The following EPHA7 variants were observed in gnomAD, a reference collection of about 807,000 sequenced individuals.
EPHA7 encodes the protein ephrin type-A receptor 7.
Under a neutral mutation model 112.6 loss-of-function variants are expected in EPHA7, and 25 were observed. That is an observed-to-expected ratio of 0.22 (90% CI 0.16 to 0.31). The LOEUF (loss-of-function observed/expected upper bound fraction) is 0.31, where lower values mean the gene tolerates loss of function less well. EPHA7 is among the 10% of genes least tolerant of loss of function. EPHA7 has a pLI of 1.00. For synonymous variants in EPHA7, 437 were observed against 406.5 expected (o/e 1.07, Z -0.90); for missense variants, 962 against 1,212.6 (o/e 0.79, Z 3.07).
chr6:93,265,186 T>C (rs1204426387), intron 7 of EPHA7, among the ~76,000 whole-genome samples: 1 of 151,676 alleles, frequency 6.6e-6, no homozygotes, highest in African/African-American at 2.4e-5. Context: ...GAAAGCATCA[T>C]GTAATCATAA....
chr6:93,407,201 C>T (rs1471683328), intron 3 of EPHA7, among the ~76,000 whole-genome samples: 2 of 152,004 alleles, frequency 1.3e-5, no homozygotes, highest in Non-Finnish European at 2.9e-5. Context: ...TTCTAGCAAA[C>T]ATCACAATGG....
chr6:93,245,574 TA>T lies in EPHA7; in HGVS notation c.2727-122del, dbSNP rs542986426. On this transcript the variant is annotated intron_variant, in intron 15 of 16. Coordinates refer to ENST00000369303, the MANE Select transcript of EPHA7 (RefSeq NM_004440.4). ...TAGATGTTTTAATTGGTGTACATAA[TA>T]AAAAATACATCGATATGCTAATAAA... 4.4e-4 allele frequency: 413 copies of T among 931,360 alleles called. 2 individuals are homozygous for T. The African/African-American group carries it at 6.4e-3, about 14-fold the overall frequency. The allele number at this position is 931,360 out of a possible 1,614,324, so 57.7% of individuals were successfully genotyped here.
At chr6:93,306,000 G>T (rs954530054) in intron 5 of EPHA7, among the ~76,000 whole-genome samples, 1 of 151,604 alleles carries the variant, frequency 6.6e-6, no homozygotes, top group African/African-American at 2.4e-5. Context: ...AATTTATTTT[G>T]GTCTAAAAAG....
chr6:93,414,801 T>G, intron 1 of EPHA7, 34 bp from the exon 2 acceptor site: 1 of 1,567,140 alleles, frequency 6.4e-7, no homozygotes. Flanking sequence ...ATATGTTACA[T>G]GAAACACTTA....
intron 5 of EPHA7, among the ~76,000 whole-genome samples, chr6:93,283,024 C>T (rs1260941933): frequency 6.6e-6 from 1 of 152,220 alleles, no homozygotes; most frequent in African/African-American, 2.4e-5. Flanking sequence ...GCAGCTCCAC[C>T]TGCGGCCCCG....
At chr6:93,405,813 G>GTATA (rs60882775) in intron 3 of EPHA7, among the ~76,000 whole-genome samples, 954 of 73,792 alleles carry the variant, frequency 0.013, 12 homozygotes, top group Non-Finnish European at 0.014. Context: ...GTGTGTGTGT[G>GTATA]TATATATATA....
intron 5 of EPHA7, among the ~76,000 whole-genome samples, chr6:93,283,286 C>G (rs143316824): frequency 0.028 from 4,224 of 152,162 alleles, 178 homozygotes; most frequent in African/African-American, 0.096. Context: ...TGTAAACACA[C>G]CAATCAGCAC....
In EPHA7 at chr6:93,242,220, A is replaced by G. The variant is rs1769718969; in HGVS notation, c.*1206T>C. On this transcript the variant is annotated 3_prime_UTR_variant, in exon 17 of 17. Coordinates refer to ENST00000369303, the MANE Select transcript of EPHA7 (RefSeq NM_004440.4). Reference sequence around the variant, plus strand: ...AGGGTAAAGAGTCCTTTCATTTAACAAGTTTCTTGCATCAGTGTTCACAAA... The same window carrying G: ...AGGGTAAAGAGTCCTTTCATTTAACGAGTTTCTTGCATCAGTGTTCACAAA... 5.1e-6 allele frequency: 1 copy of G among 197,000 alleles called. No homozygotes were observed. Among genetic ancestry groups the G allele is most frequent in the South Asian group, 1.9e-4 (1 of 5,218 alleles). The allele number at this position is 197,000 out of a possible 1,614,324, so 12.2% of individuals were successfully genotyped here.
intron 1 of EPHA7, among the ~76,000 whole-genome samples, chr6:93,418,091 G>C (rs955925234): frequency 6.6e-6 from 1 of 151,394 alleles, no homozygotes; most frequent in Non-Finnish European, 1.5e-5. Flanking sequence ...TCAGGAATAA[G>C]TAATTATTTC....
intron 11 of EPHA7, 114 bp from the exon 12 acceptor site, chr6:93,257,637 T>A: frequency 1.5e-6 from 1 of 666,872 alleles, no homozygotes; most frequent in Non-Finnish European, 2.5e-6. Flanking sequence ...GTGTGAGAAG[T>A]ATGAGCATTT....
At chr6:93,402,633 G>A (rs1163526712) in intron 3 of EPHA7, among the ~76,000 whole-genome samples, 2 of 151,964 alleles carry the variant, frequency 1.3e-5, no homozygotes, top group East Asian at 1.9e-4. Context: ...AAAATGTTTT[G>A]ACATAATATG....
intron 5 of EPHA7, among the ~76,000 whole-genome samples, chr6:93,349,576 T>C (rs1775585064): frequency 6.6e-6 from 1 of 151,968 alleles, no homozygotes; most frequent in Non-Finnish European, 1.5e-5. Flanking sequence ...TTTGCATTTA[T>C]ATATTTTTAA....
intron 3 of EPHA7, among the ~76,000 whole-genome samples, chr6:93,395,193 A>G (rs1380957958): frequency 1.3e-5 from 2 of 151,898 alleles, no homozygotes; most frequent in African/African-American, 4.8e-5. Flanking sequence ...AAGATTTTAG[A>G]CAATGCTTTA....
intron 5 of EPHA7, among the ~76,000 whole-genome samples, chr6:93,305,165 A>G (rs575536345): frequency 1.3e-5 from 2 of 151,962 alleles, no homozygotes; most frequent in South Asian, 2.1e-4. Flanking sequence ...AAATATATGT[A>G]TGTAGAATCA....
intron 5 of EPHA7, among the ~76,000 whole-genome samples, chr6:93,332,401 T>C (rs1774640301): frequency 6.6e-6 from 1 of 151,716 alleles, no homozygotes; most frequent in African/African-American, 2.4e-5. Flanking sequence ...TAATGAACAG[T>C]TATCTACAGA....
chr6:93,313,007 T>C (rs1208015108), intron 5 of EPHA7, among the ~76,000 whole-genome samples: 1 of 152,050 alleles, frequency 6.6e-6, no homozygotes, highest in Non-Finnish European at 1.5e-5. Flanking sequence ...CCCAGACAAT[T>C]ACAGTAGTAA....
At chr6:93,291,147 T>C (rs901695423) in intron 5 of EPHA7, among the ~76,000 whole-genome samples, 2 of 152,194 alleles carry the variant, frequency 1.3e-5, no homozygotes, top group African/African-American at 4.8e-5. Context: ...ACATCCCTGA[T>C]TTCTGTCCTA....
chr6:93,251,898 T>G (rs747703325), intron 14 of EPHA7, among the ~76,000 whole-genome samples: 1 of 152,046 alleles, frequency 6.6e-6, no homozygotes, highest in Non-Finnish European at 1.5e-5. Flanking sequence ...TTGGTTTTAA[T>G]TGCAACTAAC....
In EPHA7 at chr6:93,419,525, C is replaced by G. The variant is rs528811483; in HGVS notation, c.-184G>C. On this transcript the variant is annotated 5_prime_UTR_variant, in exon 1 of 17. Coordinates refer to ENST00000369303, the MANE Select transcript of EPHA7 (RefSeq NM_004440.4). ...CCCCCCCACTCCTGTTCGCTCGCAC[C>G]GTGTTTGCTGCCTGCAAGTCTCCGA... 9.5e-5 allele frequency: 48 copies of G among 506,504 alleles called. No individual in the cohort carries two copies. The Middle Eastern group carries it at 2.6e-3, about 28-fold the overall frequency. The allele number at this position is 506,504 out of a possible 1,614,324, so 31.4% of individuals were successfully genotyped here.
Sources: allele counts gnomAD v4.1 joint callset (sites outside exome capture counted in the v4.1 genomes callset), GRCh38; gene constraint gnomAD v4.1.1; transcripts MANE v1.5; gene names NCBI Gene and HGNC (gene_info 2026-07-23, HGNC 2026-07-21).